The following UNC13C variants were observed in gnomAD, a reference collection of about 807,000 sequenced individuals.
UNC13C encodes protein unc-13 homolog C.
UNC13C carries 174 observed loss-of-function variants against 245.4 expected under a neutral mutation model. That is an observed-to-expected ratio of 0.71 (90% CI 0.63 to 0.80). The LOEUF (loss-of-function observed/expected upper bound fraction) is 0.80. Among genes scored for constraint, UNC13C ranks in the 30% least tolerant of loss-of-function variants. The pLI is 0.00. For synonymous variants in UNC13C, 992 were observed against 895.1 expected, an observed-to-expected ratio of 1.11 and a Z score of -1.93; for missense variants, 2,829 against 2,602.9, an observed-to-expected ratio of 1.09 and a Z score of -1.89.
intron 10 of UNC13C, among the ~76,000 whole-genome samples, chr15:54,271,002 T>TC (rs2036674771): frequency 2.0e-5 from 3 of 152,132 alleles, no homozygotes; most frequent in African/African-American, 7.2e-5. Context: ...GCCTTAATTA[T>TC]CCCCCCATTA....
the UNC13C span, among the ~76,000 whole-genome samples, chr15:53,945,752 T>C: frequency 3.3e-5 from 5 of 152,168 alleles, no homozygotes; most frequent in Admixed American, 3.3e-4. Context: ...CCATATGAAT[T>C]TTAAAATACT....
chr15:54,051,589 T>C (rs1897267588), intron 2 of UNC13C, among the ~76,000 whole-genome samples: 1 of 152,110 alleles, frequency 6.6e-6, no homozygotes, highest in African/African-American at 2.4e-5. Context: ...ATGATGGATA[T>C]GATTTTTCAT....
intron 30 of UNC13C, among the ~76,000 whole-genome samples, chr15:54,605,000 A>G (rs1285598570): frequency 6.6e-6 from 1 of 152,182 alleles, no homozygotes; most frequent in East Asian, 1.9e-4. Flanking sequence ...CTGTGTTGAG[A>G]TGGGTAATTT....
At chr15:53,926,327 C>T in the UNC13C span, among the ~76,000 whole-genome samples, 3 of 151,992 alleles carry the variant, frequency 2.0e-5, no homozygotes, top group Non-Finnish European at 4.4e-5. Context: ...CTGCATGATC[C>T]TAGGGAAACC....
At chr15:54,622,273 T>A in intron 30 of UNC13C, 54 bp from the exon 31 acceptor site, 3 of 1,172,788 alleles carry the variant, frequency 2.6e-6, no homozygotes, top group Non-Finnish European at 3.9e-6. Context: ...AATGAAATTG[T>A]CCATTATTAA....
At chr15:54,582,074 G>A (rs1898226087) in intron 30 of UNC13C, among the ~76,000 whole-genome samples, 1 of 151,938 alleles carries the variant, frequency 6.6e-6, no homozygotes, top group Non-Finnish European at 1.5e-5. Flanking sequence ...TTAAGAGAAA[G>A]GGAAGGAAGG....
intron 18 of UNC13C, among the ~76,000 whole-genome samples, chr15:54,407,986 G>T (rs1000413752): frequency 2.6e-5 from 4 of 151,812 alleles, no homozygotes; most frequent in African/African-American, 7.3e-5. Context: ...CAGATCATGA[G>T]GTCAGGAGAT....
chr15:53,859,900 C>A, the UNC13C span, among the ~76,000 whole-genome samples: 2 of 151,966 alleles, frequency 1.3e-5, no homozygotes, highest in Non-Finnish European at 2.9e-5. Context: ...TGTTCTCCTA[C>A]GGTTTTGTCT....
intron 13 of UNC13C, among the ~76,000 whole-genome samples, chr15:54,319,427 A>G (rs2038092170): frequency 6.6e-6 from 1 of 151,934 alleles, no homozygotes; most frequent in African/African-American, 2.4e-5. Flanking sequence ...AATTCAGTGT[A>G]TAATAAAGTC....
chr15:54,613,623 A>G (rs565087868), intron 30 of UNC13C, among the ~76,000 whole-genome samples: 4 of 152,150 alleles, frequency 2.6e-5, no homozygotes, highest in Admixed American at 2.0e-4. Context: ...GAAAGAGACC[A>G]GGGAGGAGAA....
At chr15:54,610,758 A>G (rs988392350) in intron 30 of UNC13C, among the ~76,000 whole-genome samples, 1 of 152,188 alleles carries the variant, frequency 6.6e-6, no homozygotes, top group Non-Finnish European at 1.5e-5. Flanking sequence ...AAGGTCATCT[A>G]GCTGATACTT....
the UNC13C span, among the ~76,000 whole-genome samples, chr15:53,888,559 T>A: frequency 3.9e-5 from 6 of 152,358 alleles, no homozygotes; most frequent in South Asian, 6.2e-4. Context: ...ATTAATTAGA[T>A]CCCATTTGTC....
At chr15:54,338,323 CTG>C in intron 16 of UNC13C, 36 bp from the exon 17 acceptor site, 1 of 1,598,038 alleles carries the variant, frequency 6.3e-7, no homozygotes, top group Non-Finnish European at 8.5e-7. Context: ...CAATGTGTCA[CTG>C]TTGCATTTGA....
intron 29 of UNC13C, among the ~76,000 whole-genome samples, chr15:54,558,427 C>G (rs140461878): frequency 6.6e-6 from 1 of 151,780 alleles, no homozygotes; most frequent in Non-Finnish European, 1.5e-5. Flanking sequence ...TCAGTATGTA[C>G]GAAGTTTAAG....
At chr15:54,360,655 G>A (rs765710585) in intron 17 of UNC13C, among the ~76,000 whole-genome samples, 12 of 152,080 alleles carry the variant, frequency 7.9e-5, no homozygotes, top group Non-Finnish European at 1.5e-4. Flanking sequence ...GTAAGATAGG[G>A]CTAGTGTTAA....
At chr15:53,962,492 T>G in the UNC13C span, among the ~76,000 whole-genome samples, 1 of 152,194 alleles carries the variant, frequency 6.6e-6, no homozygotes, top group Non-Finnish European at 1.5e-5. Context: ...GTACTTATTA[T>G]ATTCCAGTTC....
intron 2 of UNC13C, chr15:54,049,262 G>T: frequency 1.9e-6 from 1 of 526,398 alleles, no homozygotes; most frequent in Non-Finnish European, 3.7e-6. Flanking sequence ...TGTGCATTCA[G>T]AATATGTGTT....
At chr15:54,625,160 C>T (rs1004205032) in intron 32 of UNC13C, among the ~76,000 whole-genome samples, 9 of 152,152 alleles carry the variant, frequency 5.9e-5, no homozygotes, top group Non-Finnish European at 1.2e-4. Context: ...CAACAGCCTA[C>T]TGGAGGCAGC....
At chr15:54,052,433 G>C (rs1230141815) in intron 2 of UNC13C, among the ~76,000 whole-genome samples, 2 of 151,146 alleles carry the variant, frequency 1.3e-5, no homozygotes, top group Non-Finnish European at 2.9e-5. Flanking sequence ...GTTGTTTCCT[G>C]ACTTTTTAAT....
Sources: gnomAD v4.1 joint callset for allele counts (sites outside exome capture counted in the v4.1 genomes callset) on GRCh38, gnomAD v4.1.1 for gene constraint, MANE v1.5 for transcripts, NCBI Gene and HGNC (gene_info 2026-07-23, HGNC 2026-07-21) for gene names.